The following CNTNAP2 variants were observed in gnomAD, a reference collection of about 807,000 sequenced individuals.
The protein encoded by CNTNAP2 is contactin-associated protein-like 2.
In CNTNAP2, 98 loss-of-function variants were observed where a neutral mutation model predicts 155.2. The ratio of observed to expected loss-of-function variants is 0.63; its 90% CI spans 0.54 to 0.75. The LOEUF is 0.75. CNTNAP2 is among the 30% of genes least tolerant of loss of function. The probability of loss-of-function intolerance (pLI) is 0.00; values close to 1 mark genes in which losing one functional copy is unlikely to be tolerated. For synonymous variants in CNTNAP2, 651 were observed against 631.2 expected (o/e 1.03, Z -0.47); for missense variants, 1,727 against 1,688.1 (o/e 1.02, Z -0.40).
At position 147,281,386 on chromosome 7, in the gene CNTNAP2, A is replaced by G. The variant is rs1487410101; in HGVS notation, c.1349-18755A>G. Among the ~76,000 whole-genome samples, 3 of 151,952 alleles carry G rather than the reference A, an allele frequency of 2.0e-5. No homozygotes were observed. The East Asian group carries it at 5.8e-4, about 29-fold the overall frequency. On this transcript the variant is annotated intron_variant, in intron 8 of 23. Transcript: ENST00000361727. ...TTTAAAAGACAATATGTATATTAAG[A>G]ATTGATGCTCTGTGAGGTCAGTAAC...
intron 3 of CNTNAP2, among the ~76,000 whole-genome samples, chr7:147,020,100 CATA>C (rs1209578737): frequency 6.6e-6 from 1 of 151,914 alleles, no homozygotes; most frequent in Non-Finnish European, 1.5e-5. Flanking sequence ...AGATGAAATA[CATA>C]ATGTTTGTAG....
chr7:146,472,858 C>G (rs1796820125), intron 1 of CNTNAP2, among the ~76,000 whole-genome samples: 1 of 151,276 alleles, frequency 6.6e-6, no homozygotes, highest in African/African-American at 2.4e-5. Context: ...GAGCTTAGAG[C>G]CTCTTTTAAT....
chr7:147,649,939 A>C (rs1226491023), intron 13 of CNTNAP2, among the ~76,000 whole-genome samples: 2 of 152,054 alleles, frequency 1.3e-5, no homozygotes, highest in African/African-American at 4.8e-5. Context: ...GAAAATTTTT[A>C]AAAAGTACTG....
intron 1 of CNTNAP2, among the ~76,000 whole-genome samples, chr7:146,516,491 G>T (rs532573205): frequency 1.1e-4 from 17 of 152,054 alleles, no homozygotes; most frequent in African/African-American, 4.1e-4. Context: ...CAGCAGGATG[G>T]TCTGGGAATG....
At chr7:147,740,541 A>G (rs925344454) in intron 13 of CNTNAP2, among the ~76,000 whole-genome samples, 2 of 152,334 alleles carry the variant, frequency 1.3e-5, no homozygotes, top group Non-Finnish European at 2.9e-5. Context: ...TTCTCTATAA[A>G]GAATGCATTG....
At chr7:148,388,573 T>G (rs561942846) in intron 22 of CNTNAP2, among the ~76,000 whole-genome samples, 1 of 152,250 alleles carries the variant, frequency 6.6e-6, no homozygotes, top group South Asian at 2.1e-4. Flanking sequence ...GTTCCAAGTC[T>G]TTGCAATTGT....
At chr7:146,593,277 G>A (rs17515452) in intron 1 of CNTNAP2, among the ~76,000 whole-genome samples, 4,374 of 151,978 alleles carry the variant, frequency 0.029, 95 homozygotes, top group East Asian at 0.035. Context: ...AGACCAGTCC[G>A]TTAGTGACCA....
At chr7:146,714,201 T>G (rs1563200090) in intron 1 of CNTNAP2, among the ~76,000 whole-genome samples, 2 of 152,178 alleles carry the variant, frequency 1.3e-5, no homozygotes, top group African/African-American at 4.8e-5. Context: ...TGTGCATTTC[T>G]CTTCATAGCT....
intron 13 of CNTNAP2, among the ~76,000 whole-genome samples, chr7:147,770,211 A>G (rs371228598): frequency 1.1e-4 from 17 of 152,346 alleles, no homozygotes; most frequent in East Asian, 7.7e-4. Flanking sequence ...CTTGGGTTAC[A>G]GGTTGATTAC....
At chr7:147,541,187 TTGAG>T (rs1799632608) in intron 11 of CNTNAP2, among the ~76,000 whole-genome samples, 1 of 152,168 alleles carries the variant, frequency 6.6e-6, no homozygotes, top group African/African-American at 2.4e-5. Context: ...GTGAGTGACT[TTGAG>T]TGAGTAAGCC....
In CNTNAP2 at chr7:146,279,388, A is replaced by T. The variant is rs145530339; in HGVS notation, c.97+162415A>T. 7.2e-5 allele frequency among the ~76,000 whole-genome samples: 11 copies of T among 151,996 alleles called. No homozygotes were observed. In the East Asian group the frequency reaches 1.9e-3, roughly 27 times the overall value. ...TTAGAAGAAATTATTCATCTTTTTCATAGAAGTTCTTGTTACTTCATTAAA... is the reference window on the plus strand; with the variant it reads ...TTAGAAGAAATTATTCATCTTTTTCTTAGAAGTTCTTGTTACTTCATTAAA... On this transcript the variant is annotated intron_variant, in intron 1 of 23. Transcript: ENST00000361727.
intron 4 of CNTNAP2, among the ~76,000 whole-genome samples, chr7:147,106,901 G>C (rs1393537623): frequency 6.6e-6 from 1 of 152,124 alleles, no homozygotes; most frequent in Non-Finnish European, 1.5e-5. Flanking sequence ...GTAAACAAGT[G>C]CCAGAGAACT....
In CNTNAP2 at chr7:148,353,874, C is replaced by A. The variant is rs552709296; in HGVS notation, c.3476-29775C>A. On this transcript the variant is annotated intron_variant, in intron 21 of 23. Transcript: ENST00000361727. ...AAAGTCAAAAGTAAACCAAAAATTC[C>A]AATTTTATATTCCATTAATAAGTTT... is the stretch of plus-strand genomic sequence containing the variant. 5.0e-4 allele frequency among the ~76,000 whole-genome samples: 76 copies of A among 152,268 alleles called. 1 individual carries two copies. In the South Asian group the frequency reaches 7.9e-3, roughly 16 times the overall value.
intron 15 of CNTNAP2, among the ~76,000 whole-genome samples, chr7:148,109,600 T>G (rs1055061662): frequency 6.6e-6 from 1 of 152,088 alleles, no homozygotes; most frequent in Non-Finnish European, 1.5e-5. Context: ...GTCAGGCTGG[T>G]TTCAAACTCC....
At chr7:147,660,971 C>G (rs1189052686) in intron 13 of CNTNAP2, among the ~76,000 whole-genome samples, 1 of 152,154 alleles carries the variant, frequency 6.6e-6, no homozygotes, top group Non-Finnish European at 1.5e-5. Context: ...ATTGCACACC[C>G]ACCAACCCAA....
chr7:148,306,941 C>A (rs187675096), intron 21 of CNTNAP2, among the ~76,000 whole-genome samples: 28 of 152,142 alleles, frequency 1.8e-4, no homozygotes, highest in Non-Finnish European at 1.5e-4. Context: ...GCCTGTCACC[C>A]GTGGGCTTCA....
intron 1 of CNTNAP2, among the ~76,000 whole-genome samples, chr7:146,700,812 G>C (rs74549682): frequency 6.6e-6 from 1 of 152,002 alleles, no homozygotes; most frequent in Non-Finnish European, 1.5e-5. Flanking sequence ...CCAAGTCCAC[G>C]GTCCAGGGGG....
intron 2 of CNTNAP2, among the ~76,000 whole-genome samples, chr7:146,779,973 C>T (rs904184628): frequency 6.6e-6 from 1 of 152,134 alleles, no homozygotes; most frequent in African/African-American, 2.4e-5. Context: ...CAGTCCTTAC[C>T]TTTCCTTAAA....
In CNTNAP2 at chr7:148,013,515, T is replaced by C. The variant is rs939922335; in HGVS notation, c.2383+35526T>C. The stretch of plus-strand genomic sequence containing the variant: ...AGCAGAAGAAAAGAGTTTATTATTT[T>C]ATGATCTCTCTGTTTGAAGAAGAAA... On this transcript the variant is annotated intron_variant, in intron 15 of 23. Coordinates refer to ENST00000361727, the MANE Select transcript of CNTNAP2 (RefSeq NM_014141.6). Among the ~76,000 whole-genome samples the C allele has an allele frequency of 3.9e-5, 6 of 152,224 alleles. No individual in the cohort carries two copies. The East Asian group carries it at 1.2e-3, about 29-fold the overall frequency.
Sources: allele counts gnomAD v4.1 joint callset (sites outside exome capture counted in the v4.1 genomes callset), GRCh38; gene constraint gnomAD v4.1.1; transcripts MANE v1.5; gene names NCBI Gene and HGNC (gene_info 2026-07-23, HGNC 2026-07-21).